Variants in ANKFN1 observed in about 807,000 individuals in gnomAD.
The protein encoded by ANKFN1 is ankyrin repeat and fibronectin type III domain containing 1.
In ANKFN1, 74 loss-of-function variants were observed where a neutral mutation model predicts 108.7. The ratio of observed to expected loss-of-function variants is 0.68; its 90% CI spans 0.56 to 0.83. The LOEUF is 0.83. Among genes scored for constraint, ANKFN1 ranks in the 40% least tolerant of loss-of-function variants. The probability of loss-of-function intolerance (pLI) is 0.00; values close to 1 mark genes in which losing one functional copy is unlikely to be tolerated. For missense variants in ANKFN1, 1,505 were observed against 1,382.3 expected, an observed-to-expected ratio of 1.09 and a Z score of -1.41; for synonymous variants, 547 against 516.2, an observed-to-expected ratio of 1.06 and a Z score of -0.81.
rs1165793061 is a variant in ANKFN1, at chr17:56,511,165, C to G, written c.3337C>G (p.Pro1113Ala). The change falls in exon 21 of 21, where the codon CCC (proline) becomes GCC (alanine). Residue 1113 changes from proline to alanine, a missense_variant. Physicochemically the swap from Pro to Ala is conservative, Grantham distance 27. Coordinates refer to ENST00000682825, the MANE Select transcript of ANKFN1 (RefSeq NM_001370326.1). ...AAAACCATGGGCAAGCTTGAGCCCGCCCTCTGGAGGCCGCATCACCCTGCC... is the reference window on the plus strand; with the variant it reads ...AAAACCATGGGCAAGCTTGAGCCCGGCCTCTGGAGGCCGCATCACCCTGCC... ...DEKPWASLSP[P>A]SGGRITLPSP... 1.3e-6 allele frequency: 2 copies of G among 1,535,964 alleles called. No homozygotes were observed. The highest frequency in any genetic ancestry group is 1.7e-6 in the Non-Finnish European group (2 of 1,146,890).
At position 56,178,488 on chromosome 17, in the gene ANKFN1, G is replaced by T. The variant is rs1911380998; in HGVS notation, c.-71+24958G>T. Among the ~76,000 whole-genome samples, 3 of 152,078 alleles carry T rather than the reference G, an allele frequency of 2.0e-5. 1 individual carries two copies. In the South Asian group the frequency reaches 6.2e-4, roughly 32 times the overall value. On this transcript the variant is annotated intron_variant, in intron 1 of 20. Coordinates refer to ENST00000682825, the MANE Select transcript of ANKFN1 (RefSeq NM_001370326.1). ...GAGGCTGCATGTGGAGAATCTCAAA[G>T]GTAGGAGCTGTGAATTCAGCAGTTG...
rs377252428 is a variant in ANKFN1 at position 56,482,395 on chromosome 17, A to G, written c.2131A>G (p.Met711Val). Residue 711 changes from methionine to valine, a missense_variant, in exon 18 of 21, where the codon ATG (methionine) becomes GTG (valine). Coordinates refer to ENST00000682825, the MANE Select transcript of ANKFN1 (RefSeq NM_001370326.1). Reference sequence around the variant, plus strand: ...CCTCTACACACAGGAGGTGTTGGAAATGGGTCACAATGTGTCCTTTCTTCT... The same window carrying G: ...CCTCTACACACAGGAGGTGTTGGAAGTGGGTCACAATGTGTCCTTTCTTCT... ...FRLYTQEVLE[M>V]GHNVSFLLLL... is the part of the protein sequence containing the mutation. 1.1e-4 allele frequency: 174 copies of G among 1,612,246 alleles called. No individual in the cohort carries two copies. Among genetic ancestry groups the G allele is most frequent in the Non-Finnish European group, 1.2e-4 (144 of 1,179,116 alleles).
chr17:56,226,829 TAGG>T, intron 2 of ANKFN1, among the ~76,000 whole-genome samples: 1 of 152,162 alleles, frequency 6.6e-6, no homozygotes, highest in East Asian at 1.9e-4. Flanking sequence ...ACGCTGACAT[TAGG>T]AGGACTTTAT....
intron 4 of ANKFN1, among the ~76,000 whole-genome samples, chr17:56,100,837 C>A (rs371026454): frequency 6.6e-6 from 1 of 152,318 alleles, no homozygotes; most frequent in East Asian, 1.9e-4. Flanking sequence ...CCAAACTTCA[C>A]CTGTAGTTTG....
intron 3 of ANKFN1, among the ~76,000 whole-genome samples, chr17:56,238,466 G>A (rs1005831508): frequency 6.6e-6 from 1 of 152,128 alleles, no homozygotes; most frequent in Non-Finnish European, 1.5e-5. Context: ...AGGTGCTCCT[G>A]TGTTGAGTAT....
chr17:56,455,386 G>T (rs1217207885), intron 11 of ANKFN1, among the ~76,000 whole-genome samples: 1 of 152,206 alleles, frequency 6.6e-6, no homozygotes, highest in African/African-American at 2.4e-5. Context: ...AAAAAAGAAT[G>T]ATTTTGCTTT....
intron 8 of ANKFN1, among the ~76,000 whole-genome samples, chr17:56,386,143 A>C (rs1643298900): frequency 6.6e-6 from 1 of 151,616 alleles, no homozygotes; most frequent in East Asian, 1.9e-4. Flanking sequence ...ATGCAGCCAT[A>C]AAAAATGATG....
At chr17:56,094,129 C>T (rs1176385847) in intron 4 of ANKFN1, among the ~76,000 whole-genome samples, 1 of 150,958 alleles carries the variant, frequency 6.6e-6, no homozygotes, top group Non-Finnish European at 1.5e-5. Flanking sequence ...GCCAGCAAGC[C>T]ACCAGAAGAC....
intron 1 of ANKFN1, among the ~76,000 whole-genome samples, chr17:56,212,023 G>T (rs1005046350): frequency 1.2e-4 from 18 of 151,620 alleles, no homozygotes; most frequent in African/African-American, 4.4e-4. Context: ...GGTTTTCTAG[G>T]TATATGATCA....
At chr17:56,461,074 A>G (rs2049888199) in intron 14 of ANKFN1, among the ~76,000 whole-genome samples, 2 of 152,350 alleles carry the variant, frequency 1.3e-5, no homozygotes, top group Non-Finnish European at 2.9e-5. Flanking sequence ...TGGAACCCAC[A>G]GTGTTTTAGG....
At position 56,246,239 on chromosome 17, in the gene ANKFN1, C is replaced by T. The variant is rs1051660475; in HGVS notation, c.53+18282C>T. On this transcript the variant is annotated intron_variant, in intron 3 of 20. Transcript: ENST00000682825. Reference sequence around the variant, plus strand: ...ACTCATTCACAGTATCATGGGCAATCACTTCTTGGCCTTTTGGCTATGATC... The same window carrying T: ...ACTCATTCACAGTATCATGGGCAATTACTTCTTGGCCTTTTGGCTATGATC... 3.3e-5 allele frequency among the ~76,000 whole-genome samples: 5 copies of T among 152,140 alleles called. No homozygotes were observed. In the East Asian group the frequency reaches 9.6e-4, roughly 29 times the overall value.
Position 56,442,640 on chromosome 17 carries a change from A to T in ANKFN1, c.1009-203A>T, listed in dbSNP as rs550429541. 3.3e-5 allele frequency among the ~76,000 whole-genome samples: 5 copies of T among 152,296 alleles called. No homozygotes were observed. In the South Asian group the frequency reaches 1.0e-3, roughly 32 times the overall value. On this transcript the variant is annotated intron_variant, in intron 9 of 20. Transcript: ENST00000682825. ...GGGAACTTCAAATATGGTTGCTGTG[A>T]CATATAAACATAATAGTCAAGAAAA...
At chr17:56,137,334 C>T (rs1907657113) in intron 4 of ANKFN1, among the ~76,000 whole-genome samples, 1 of 152,180 alleles carries the variant, frequency 6.6e-6, no homozygotes, top group African/African-American at 2.4e-5. Context: ...TAGAAAACAT[C>T]AGGAGTTGGA....
chr17:56,391,368 ATGTGTGTGTGTGTGTGTG>A lies in ANKFN1; in HGVS notation c.910+16680_910+16697del, dbSNP rs199687714. ...TGAAGGCCCAAGAATACATATATAT[ATGTGTGTGTGTGTGTGTG>A]TGTGTGTGTGTGTGTGTGTGTGTGT... is the stretch of plus-strand genomic sequence containing the variant. On this transcript the variant is annotated intron_variant, in intron 8 of 20. Coordinates refer to ENST00000682825, the MANE Select transcript of ANKFN1 (RefSeq NM_001370326.1). 1.9e-4 allele frequency among the ~76,000 whole-genome samples: 24 copies of A among 128,738 alleles called. No homozygotes were observed. In the South Asian group the frequency reaches 2.0e-3, roughly 11 times the overall value. The allele number at this position is 128,738 out of a possible 152,430, so 84.5% of individuals were successfully genotyped here.
chr17:56,293,930 C>A (rs1439289001), intron 3 of ANKFN1, among the ~76,000 whole-genome samples: 2 of 152,152 alleles, frequency 1.3e-5, no homozygotes, highest in Non-Finnish European at 1.5e-5. Flanking sequence ...AAGCTTTCTT[C>A]TTAATAACCT....
At chr17:56,180,231 T>C (rs1911559465) in intron 1 of ANKFN1, among the ~76,000 whole-genome samples, 1 of 152,188 alleles carries the variant, frequency 6.6e-6, no homozygotes, top group Admixed American at 6.6e-5. Flanking sequence ...CAAGGTCATA[T>C]TCTGTCTCTG....
intron 3 of ANKFN1, among the ~76,000 whole-genome samples, chr17:56,237,686 G>A (rs567346797): frequency 1.3e-5 from 2 of 151,766 alleles, no homozygotes; most frequent in African/African-American, 2.4e-5. Context: ...TTCTTCATTA[G>A]TCTAGCTAGT....
chr17:56,220,885 AGGGAGGAAGGAAGGAAGGAAGGGAGTGG>A, intron 2 of ANKFN1, among the ~76,000 whole-genome samples: 2 of 62,422 alleles, frequency 3.2e-5, no homozygotes, highest in East Asian at 6.4e-4. Context: ...GGAGGGAGGG[AGGGAGGAAGGAAGGAAGGAAGGGAGTGG>A]GGGAGGGAGG....
intron 3 of ANKFN1, among the ~76,000 whole-genome samples, chr17:56,277,639 CA>C (rs2043969058): frequency 6.6e-6 from 1 of 152,022 alleles, no homozygotes; most frequent in Non-Finnish European, 1.5e-5. Context: ...ATGTCAGGAC[CA>C]GAATCAAACC....
Sources: gnomAD v4.1 joint callset for allele counts (sites outside exome capture counted in the v4.1 genomes callset) on GRCh38, gnomAD v4.1.1 for gene constraint, MANE v1.5 for transcripts, NCBI Gene and HGNC (gene_info 2026-07-23, HGNC 2026-07-21) for gene names.